CHMP2B: variants seen among roughly 807,000 people sequenced by gnomAD.
CHMP2B encodes charged multivesicular body protein 2B.
Under a neutral mutation model 29.8 loss-of-function variants are expected in CHMP2B, and 22 were observed. The observed-to-expected ratio is 0.74, with a 90% confidence interval of 0.53 to 1.05. The LOEUF is 1.05. CHMP2B is among the 50% of genes least tolerant of loss of function. CHMP2B has a pLI of 0.00. For missense variants in CHMP2B, 261 were observed against 252.2 expected, an observed-to-expected ratio of 1.03 and a Z score of -0.24; for synonymous variants, 78 against 75.8, an observed-to-expected ratio of 1.03 and a Z score of -0.15.
intron 1 of CHMP2B, among the ~76,000 whole-genome samples, chr3:87,233,160 C>T (rs1476276132): frequency 6.6e-6 from 1 of 152,058 alleles, no homozygotes; most frequent in East Asian, 1.9e-4. Flanking sequence ...GCATGATCCC[C>T]CTTTGTTCTT....
intron 2 of CHMP2B, among the ~76,000 whole-genome samples, chr3:87,242,758 G>A (rs1013502439): frequency 6.6e-6 from 1 of 152,098 alleles, no homozygotes; most frequent in Non-Finnish European, 1.5e-5. Flanking sequence ...TTGTCCAAAC[G>A]TAGGCATCTT....
At chr3:87,240,184 C>T (rs1328216602) in intron 1 of CHMP2B, 1 of 154,086 alleles carries the variant, frequency 6.5e-6, no homozygotes. Flanking sequence ...TATTTGCATT[C>T]ACCTGCTATC....
At chr3:87,244,072 G>C (rs1426442890) in intron 2 of CHMP2B, among the ~76,000 whole-genome samples, 1 of 145,498 alleles carries the variant, frequency 6.9e-6, no homozygotes, top group Non-Finnish European at 1.5e-5. Context: ...TTTTGAGATG[G>C]AGTCTTGCTC....
In CHMP2B at chr3:87,245,783, G is replaced by A; in HGVS notation, c.196G>A (p.Val66Met). Residue 66 changes from valine to methionine, a missense_variant, in exon 3 of 6, where the codon GTG becomes ATG. Coordinates refer to ENST00000263780, the MANE Select transcript of CHMP2B (RefSeq NM_014043.4). The part of the protein sequence containing the change: ...EACKVLAKQL[V>M]HLRKQKTRTF... Reference sequence around the variant, plus strand: ...TTGCAAAGTTTTAGCCAAACAACTTGTGCATCTACGGAAACAGAAGACGAG... The same window carrying A: ...TTGCAAAGTTTTAGCCAAACAACTTATGCATCTACGGAAACAGAAGACGAG... The A allele has an allele frequency of 6.2e-7, 1 of 1,613,820 alleles. No homozygotes were observed. Among genetic ancestry groups the A allele is most frequent in the South Asian group, 1.1e-5 (1 of 91,050 alleles).
chr3:87,227,661 A>T (rs1575959861), intron 1 of CHMP2B, 105 bp downstream of exon 1: 1 of 1,475,572 alleles, frequency 6.8e-7, no homozygotes. Flanking sequence ...GCGGGGCTGG[A>T]TCAAGTGGTC....
At chr3:87,228,422 T>A (rs1403247715) in intron 1 of CHMP2B, among the ~76,000 whole-genome samples, 2 of 152,218 alleles carry the variant, frequency 1.3e-5, no homozygotes, top group African/African-American at 4.8e-5. Context: ...ATATGTTTAG[T>A]CTAGGTTGTT....
chr3:87,247,639 T>G (rs72924027), intron 3 of CHMP2B, among the ~76,000 whole-genome samples: 2 of 152,154 alleles, frequency 1.3e-5, no homozygotes, highest in Admixed American at 6.5e-5. Flanking sequence ...AGGTATTCAT[T>G]TGAGGTTACA....
intron 2 of CHMP2B, 23 bp downstream of exon 2, chr3:87,240,813 G>A: frequency 3.2e-6 from 5 of 1,579,810 alleles, no homozygotes; most frequent in Non-Finnish European, 4.4e-6. Flanking sequence ...TTAAATTTCA[G>A]TTTAACTTTT....
At position 87,254,726 on chromosome 3, in the gene CHMP2B, G is replaced by A. The variant is rs550409585; in HGVS notation, c.*904G>A. ...TATAGTAAGAAAACAATATATTTTGGCCATCTAAAAATGAGAATTATAATT... is the reference window on the plus strand; with the variant it reads ...TATAGTAAGAAAACAATATATTTTGACCATCTAAAAATGAGAATTATAATT... On this transcript the variant is annotated 3_prime_UTR_variant, in exon 6 of 6. Transcript: ENST00000263780. The A allele has an allele frequency of 6.6e-6, 1 of 151,506 alleles. No individual in the cohort carries two copies. The highest frequency in any genetic ancestry group is 1.9e-4 in the East Asian group (1 of 5,144). 9.4% of individuals were successfully genotyped at this position (151,506 alleles called of 1,614,324 possible).
At chr3:87,245,327 A>G (rs1706191233) in intron 2 of CHMP2B, among the ~76,000 whole-genome samples, 2 of 151,770 alleles carry the variant, frequency 1.3e-5, no homozygotes, top group Admixed American at 1.3e-4. Flanking sequence ...AATTATCTAT[A>G]TTACTAGTTT....
At chr3:87,247,241 C>G (rs1168079290) in intron 3 of CHMP2B, among the ~76,000 whole-genome samples, 1 of 152,178 alleles carries the variant, frequency 6.6e-6, no homozygotes, top group African/African-American at 2.4e-5. Context: ...CCTAACTAAC[C>G]TTGTGTTTCT....
chr3:87,236,194 C>T (rs1317241600), intron 1 of CHMP2B, among the ~76,000 whole-genome samples: 1 of 152,078 alleles, frequency 6.6e-6, no homozygotes, highest in East Asian at 1.9e-4. Flanking sequence ...TAAAAGTTCC[C>T]ACCCTTTAGT....
chr3:87,249,179 T>A (rs1706268907), intron 3 of CHMP2B, among the ~76,000 whole-genome samples: 1 of 152,112 alleles, frequency 6.6e-6, no homozygotes, highest in South Asian at 2.1e-4. Context: ...TACCTGTGTA[T>A]CTAAACATAG....
At chr3:87,247,201 C>T (rs1163145192) in intron 3 of CHMP2B, among the ~76,000 whole-genome samples, 1 of 152,094 alleles carries the variant, frequency 6.6e-6, no homozygotes, top group Non-Finnish European at 1.5e-5. Context: ...GAGCCTTTGC[C>T]CACAACGTTT....
chr3:87,241,881 A>C (rs1706124986), intron 2 of CHMP2B, among the ~76,000 whole-genome samples: 1 of 152,112 alleles, frequency 6.6e-6, no homozygotes, highest in African/African-American at 2.4e-5. Flanking sequence ...ATTAAAATTA[A>C]AGTGCTGAAA....
chr3:87,231,599 G>T (rs1705910595), intron 1 of CHMP2B, among the ~76,000 whole-genome samples: 1 of 152,132 alleles, frequency 6.6e-6, no homozygotes, highest in Non-Finnish European at 1.5e-5. Context: ...GATCCACTGT[G>T]AGTGTTTTAA....
intron 1 of CHMP2B, among the ~76,000 whole-genome samples, chr3:87,240,067 G>A (rs966123063): frequency 3.3e-5 from 5 of 151,978 alleles, no homozygotes; most frequent in Admixed American, 1.3e-4. Flanking sequence ...GGGTGTGTGT[G>A]TGTGTGTGAC....
chr3:87,243,750 T>C (rs1408453716), intron 2 of CHMP2B, among the ~76,000 whole-genome samples: 1 of 152,172 alleles, frequency 6.6e-6, no homozygotes, highest in Non-Finnish European at 1.5e-5. Flanking sequence ...CCATTTCTAC[T>C]AAATTTTAAA....
chr3:87,252,372 ATT>A (rs545450380), intron 4 of CHMP2B, among the ~76,000 whole-genome samples: 2 of 146,666 alleles, frequency 1.4e-5, no homozygotes, highest in African/African-American at 2.5e-5. Flanking sequence ...AGCTGCTTTA[ATT>A]TTTTTTTTTT....
Sources: allele counts gnomAD v4.1 joint callset (sites outside exome capture counted in the v4.1 genomes callset), GRCh38; gene constraint gnomAD v4.1.1; transcripts MANE v1.5; gene names NCBI Gene and HGNC (gene_info 2026-07-23, HGNC 2026-07-21).